The following CADM2 variants were observed in gnomAD, a reference collection of about 807,000 sequenced individuals.
CADM2 encodes immunoglobulin superfamily member 4D.
A neutral mutation model predicts 49.8 loss-of-function variants in CADM2; 12 were observed. That is an observed-to-expected ratio of 0.24 (90% CI 0.15 to 0.39). The LOEUF is 0.39. Ranked by LOEUF, CADM2 falls within the 10% of genes least tolerant of loss-of-function variation. The probability of loss-of-function intolerance (pLI) is 1.00; values close to 1 mark genes in which losing one functional copy is unlikely to be tolerated. For synonymous variants in CADM2, 214 were observed against 175.4 expected, an observed-to-expected ratio of 1.22 and a Z score of -1.74; for missense variants, 378 against 492.3, an observed-to-expected ratio of 0.77 and a Z score of 2.20.
At chr3:85,776,775 A>C (rs568510695) in intron 2 of CADM2, among the ~76,000 whole-genome samples, 1 of 152,240 alleles carries the variant, frequency 6.6e-6, no homozygotes, top group East Asian at 1.9e-4. Context: ...GTAAATACTC[A>C]GTGCTAATTG....
intron 3 of CADM2, among the ~76,000 whole-genome samples, chr3:85,853,538 A>G (rs2075186452): frequency 6.6e-6 from 1 of 152,056 alleles, no homozygotes; most frequent in Non-Finnish European, 1.5e-5. Flanking sequence ...CATAATTAAA[A>G]TGGCCATGAC....
chr3:85,372,433 A>ATGTATGTATG (rs1553714943), intron 1 of CADM2, among the ~76,000 whole-genome samples: 1 of 131,272 alleles, frequency 7.6e-6, no homozygotes, highest in African/African-American at 2.6e-5. Context: ...GTGTGTATAT[A>ATGTATGTATG]TGTATATATG....
chr3:85,513,411 A>G (rs1187696796), intron 1 of CADM2, among the ~76,000 whole-genome samples: 2 of 152,042 alleles, frequency 1.3e-5, no homozygotes, highest in Non-Finnish European at 1.5e-5. Flanking sequence ...ATAGTTTGAT[A>G]GTAAATAATA....
intron 8 of CADM2, among the ~76,000 whole-genome samples, chr3:86,063,449 A>G (rs760860807): frequency 6.6e-6 from 1 of 152,078 alleles, no homozygotes; most frequent in South Asian, 2.1e-4. Flanking sequence ...TCCCTGAAGA[A>G]CCTGGATTCT....
At chr3:85,690,513 G>A (rs2066349308) in intron 1 of CADM2, among the ~76,000 whole-genome samples, 1 of 151,784 alleles carries the variant, frequency 6.6e-6, no homozygotes, top group Non-Finnish European at 1.5e-5. Flanking sequence ...AGTCAAGAGG[G>A]GACAAGAGAA....
At chr3:85,950,394 T>G (rs979809162) in intron 7 of CADM2, among the ~76,000 whole-genome samples, 4 of 151,248 alleles carry the variant, frequency 2.6e-5, no homozygotes, top group Admixed American at 2.0e-4. Context: ...TCCTTCATGA[T>G]CATAGCAATC....
intron 1 of CADM2, among the ~76,000 whole-genome samples, chr3:85,453,891 T>C (rs2037867784): frequency 6.6e-6 from 1 of 152,174 alleles, no homozygotes; most frequent in Admixed American, 6.6e-5. Context: ...TTCACTGCAA[T>C]ATTTTAGGTA....
intron 1 of CADM2, among the ~76,000 whole-genome samples, chr3:85,048,514 G>T (rs1196874453): frequency 6.6e-6 from 1 of 152,094 alleles, no homozygotes; most frequent in Non-Finnish European, 1.5e-5. Flanking sequence ...ATCATAAGGA[G>T]AATTAAACTT....
chr3:85,433,557 G>T (rs2036786552), intron 1 of CADM2, among the ~76,000 whole-genome samples: 1 of 152,058 alleles, frequency 6.6e-6, no homozygotes, highest in African/African-American at 2.4e-5. Context: ...AGAAGTAGGG[G>T]TTATTGAACC....
At chr3:85,622,152 T>A (rs2107492850) in intron 1 of CADM2, among the ~76,000 whole-genome samples, 1 of 152,298 alleles carries the variant, frequency 6.6e-6, no homozygotes, top group East Asian at 1.9e-4. Context: ...ATTGTACAGA[T>A]AGATGCCTTC....
chr3:85,483,569 T>C (rs1187779682), intron 1 of CADM2, among the ~76,000 whole-genome samples: 2 of 150,844 alleles, frequency 1.3e-5, no homozygotes, highest in Non-Finnish European at 3.0e-5. Context: ...ACATTTCCAA[T>C]TGTATATGTA....
intron 8 of CADM2, among the ~76,000 whole-genome samples, chr3:86,001,666 A>G (rs978949511): frequency 3.0e-4 from 46 of 152,146 alleles, no homozygotes; most frequent in African/African-American, 1.0e-3. Flanking sequence ...CAGTAAACCA[A>G]GAATTTGTTG....
chr3:85,825,268 T>C (rs2073840855), intron 3 of CADM2, among the ~76,000 whole-genome samples: 2 of 151,946 alleles, frequency 1.3e-5, no homozygotes, highest in South Asian at 4.1e-4. Context: ...TTAATGAAGA[T>C]ACTATATTAC....
At chr3:85,285,242 G>A (rs1376185987) in intron 1 of CADM2, among the ~76,000 whole-genome samples, 1 of 152,056 alleles carries the variant, frequency 6.6e-6, no homozygotes, top group East Asian at 1.9e-4. Context: ...GAGTTCAGAG[G>A]CAAATTTCAT....
At chr3:85,897,460 G>A (rs1577598155) in intron 5 of CADM2, among the ~76,000 whole-genome samples, 1 of 148,210 alleles carries the variant, frequency 6.7e-6, no homozygotes, top group South Asian at 2.2e-4. Flanking sequence ...TAGTAGAGAC[G>A]GGGTTTCACC....
chr3:85,285,709 A>G (rs1200798317), intron 1 of CADM2, among the ~76,000 whole-genome samples: 2 of 152,046 alleles, frequency 1.3e-5, no homozygotes, highest in Non-Finnish European at 1.5e-5. Flanking sequence ...TAAGAAGATC[A>G]GTTTCTTCTC....
chr3:85,087,849 A>G (rs1481953512), intron 1 of CADM2, among the ~76,000 whole-genome samples: 2 of 152,132 alleles, frequency 1.3e-5, no homozygotes, highest in African/African-American at 2.4e-5. Flanking sequence ...AATAACAGCT[A>G]AAAAACTGCC....
At chr3:85,295,853 A>T (rs868191873) in intron 1 of CADM2, among the ~76,000 whole-genome samples, 8 of 151,932 alleles carry the variant, frequency 5.3e-5, no homozygotes, top group Non-Finnish European at 1.5e-5. Flanking sequence ...GGTGCAACAC[A>T]CCAGCATGGC....
At chr3:85,038,753 T>A (rs2087011) in intron 1 of CADM2, among the ~76,000 whole-genome samples, 1 of 151,928 alleles carries the variant, frequency 6.6e-6, no homozygotes, top group Non-Finnish European at 1.5e-5. Flanking sequence ...AGCAAATCAC[T>A]CAATTATAAT....
Sources: allele counts gnomAD v4.1 joint callset (sites outside exome capture counted in the v4.1 genomes callset), GRCh38; gene constraint gnomAD v4.1.1; transcripts MANE v1.5; gene names NCBI Gene and HGNC (gene_info 2026-07-23, HGNC 2026-07-21).